DAB1: variants seen among roughly 807,000 people sequenced by gnomAD.
DAB1 encodes the protein disabled homolog 1.
A neutral mutation model predicts 64.6 loss-of-function variants in DAB1; 15 were observed. The ratio of observed to expected loss-of-function variants is 0.23; its 90% CI spans 0.16 to 0.36. The LOEUF (loss-of-function observed/expected upper bound fraction) is 0.36, where lower values mean the gene tolerates loss of function less well. Among genes scored for constraint, DAB1 ranks in the 10% least tolerant of loss-of-function variants. The pLI is 1.00. For synonymous variants in DAB1, 235 were observed against 251.9 expected (o/e 0.93, Z 0.64); for missense variants, 596 against 706.7 (o/e 0.84, Z 1.78).
chr1:57,305,980 A>G (rs1570230322), intron 1 of DAB1, among the ~76,000 whole-genome samples: 1 of 149,068 alleles, frequency 6.7e-6, no homozygotes, highest in Non-Finnish European at 1.5e-5. Flanking sequence ...AAAAAAAAAA[A>G]AAAAAGAAAA....
At chr1:58,536,385 G>GAA in intron 1 of DAB1, 1 of 601,860 alleles carries the variant, frequency 1.7e-6, no homozygotes, top group Non-Finnish European at 3.0e-6. Context: ...AGGCCTTCGG[G>GAA]AAAAAAAAAT....
At chr1:57,990,860 C>T (rs1025077076) in intron 5 of DAB1, among the ~76,000 whole-genome samples, 1 of 152,174 alleles carries the variant, frequency 6.6e-6, no homozygotes, top group African/African-American at 2.4e-5. Flanking sequence ...ACACTGGGCA[C>T]ACACACAGTG....
chr1:57,299,704 T>G (rs572152568), intron 1 of DAB1, among the ~76,000 whole-genome samples: 1 of 151,680 alleles, frequency 6.6e-6, no homozygotes, highest in Non-Finnish European at 1.5e-5. Flanking sequence ...TCACCTCTAA[T>G]TTTACAAAAA....
intron 4 of DAB1, among the ~76,000 whole-genome samples, chr1:58,168,761 C>A (rs542106047): frequency 2.6e-5 from 4 of 152,258 alleles, no homozygotes; most frequent in South Asian, 4.2e-4. Flanking sequence ...ACTCTTCCTA[C>A]CCTGGAGATC....
intron 3 of DAB1, among the ~76,000 whole-genome samples, chr1:58,434,647 T>A (rs1424555730): frequency 6.6e-6 from 1 of 152,174 alleles, no homozygotes; most frequent in Non-Finnish European, 1.5e-5. Context: ...TTTAATGCCA[T>A]TAGAATGGAT....
chr1:57,621,903 G>C (rs1030841489), intron 7 of DAB1, among the ~76,000 whole-genome samples: 1 of 152,122 alleles, frequency 6.6e-6, no homozygotes, highest in African/African-American at 2.4e-5. Flanking sequence ...TATTGCTCTT[G>C]AGCTATTTGT....
At chr1:58,541,332 A>AAAAAAAC in intron 1 of DAB1, among the ~76,000 whole-genome samples, 1 of 128,236 alleles carries the variant, frequency 7.8e-6, no homozygotes, top group Non-Finnish European at 1.7e-5. Flanking sequence ...AAAAAAAAAA[A>AAAAAAAC]ACAGGAAAAA....
At chr1:58,369,623 G>A (rs184163700) in intron 3 of DAB1, among the ~76,000 whole-genome samples, 285 of 152,318 alleles carry the variant, frequency 1.9e-3, no homozygotes, top group Middle Eastern at 3.4e-3. Flanking sequence ...TGGGCAAGGA[G>A]CTGTCACATT....
chr1:57,143,775 T>G (rs1347888095), intron 3 of DAB1, among the ~76,000 whole-genome samples: 1 of 152,012 alleles, frequency 6.6e-6, no homozygotes, highest in East Asian at 1.9e-4. Flanking sequence ...TTTTATCACA[T>G]TTTACATTTA....
chr1:57,602,847 C>T (rs927810483), intron 7 of DAB1, among the ~76,000 whole-genome samples: 1 of 152,094 alleles, frequency 6.6e-6, no homozygotes, highest in Non-Finnish European at 1.5e-5. Flanking sequence ...GCATCTTCAA[C>T]GTTAGTCCTT....
intron 7 of DAB1, among the ~76,000 whole-genome samples, chr1:57,522,716 G>A (rs1414539954): frequency 3.9e-5 from 6 of 152,202 alleles, no homozygotes; most frequent in Admixed American, 3.9e-4. Flanking sequence ...TGTTGCCAAA[G>A]GAGATTAACA....
intron 5 of DAB1, among the ~76,000 whole-genome samples, chr1:57,928,442 C>T (rs1212065428): frequency 1.3e-5 from 2 of 152,136 alleles, no homozygotes; most frequent in Non-Finnish European, 2.9e-5. Flanking sequence ...CATGAACCTG[C>T]ACTGATATAT....
intron 7 of DAB1, among the ~76,000 whole-genome samples, chr1:57,604,542 A>G (rs991618218): frequency 7.2e-5 from 11 of 152,210 alleles, no homozygotes; most frequent in African/African-American, 2.7e-4. Flanking sequence ...TTTGTAGCAG[A>G]TACTTCTCCG....
chr1:58,359,971 CA>C, intron 3 of DAB1, among the ~76,000 whole-genome samples: 1 of 152,264 alleles, frequency 6.6e-6, no homozygotes, highest in Non-Finnish European at 1.5e-5. Flanking sequence ...CAGATGGTGG[CA>C]ATATCAACTA....
At chr1:57,486,855 A>T (rs1317777071) in intron 7 of DAB1, among the ~76,000 whole-genome samples, 1 of 152,104 alleles carries the variant, frequency 6.6e-6, no homozygotes, top group Non-Finnish European at 1.5e-5. Flanking sequence ...AAGGCAGGCC[A>T]AGTCCCAGAC....
chr1:57,618,143 G>A (rs899185613), intron 7 of DAB1, among the ~76,000 whole-genome samples: 3 of 152,122 alleles, frequency 2.0e-5, no homozygotes, highest in Non-Finnish European at 4.4e-5. Context: ...GACTGGGCGC[G>A]GTGGCTCACG....
intron 2 of DAB1, among the ~76,000 whole-genome samples, chr1:57,219,630 C>G (rs1395728886): frequency 6.6e-6 from 1 of 152,298 alleles, no homozygotes; most frequent in Middle Eastern, 3.4e-3. Context: ...ACTGCAGTGA[C>G]AGATTCTCCT....
chr1:57,837,401 C>A (rs1652854748), intron 1 of DAB1, among the ~76,000 whole-genome samples: 1 of 152,126 alleles, frequency 6.6e-6, no homozygotes. Flanking sequence ...CAGGTAACAT[C>A]CAGGTTGTGT....
intron 7 of DAB1, among the ~76,000 whole-genome samples, chr1:57,529,654 A>G (rs1393874540): frequency 6.6e-6 from 1 of 152,094 alleles, no homozygotes; most frequent in Non-Finnish European, 1.5e-5. Flanking sequence ...ATAATTAAAG[A>G]AAAGGTCAAT....
Sources: allele counts gnomAD v4.1 joint callset (sites outside exome capture counted in the v4.1 genomes callset), GRCh38; gene constraint gnomAD v4.1.1; transcripts MANE v1.5; gene names NCBI Gene and HGNC (gene_info 2026-07-23, HGNC 2026-07-21).